Variants in TRAF3 observed in about 807,000 individuals in gnomAD.
TRAF3 encodes TNF receptor associated factor 3.
In TRAF3, 13 loss-of-function variants were observed where a neutral mutation model predicts 62.3. The observed-to-expected ratio is 0.21, with a 90% CI of 0.14 to 0.33. The LOEUF is 0.33. TRAF3 is among the 10% of genes least tolerant of loss of function. TRAF3 has a pLI of 1.00. For missense variants in TRAF3, 440 were observed against 741.8 expected, an observed-to-expected ratio of 0.59 and a Z score of 4.73; for synonymous variants, 269 against 283.4, an observed-to-expected ratio of 0.95 and a Z score of 0.51.
At position 102,903,560 on chromosome 14, in the gene TRAF3, C is replaced by T. The variant is rs1294586909; in HGVS notation, c.1135+131C>T. 2.3e-6 allele frequency: 3 copies of T among 1,294,234 alleles called. No individual in the cohort carries two copies. The highest frequency in any genetic ancestry group is 1.3e-5 in the South Asian group (1 of 79,508). The allele number at this position is 1,294,234 out of a possible 1,614,324, so 80.2% of individuals were successfully genotyped here. On this transcript the variant is annotated intron_variant, in intron 11 of 11. Transcript: ENST00000392745. The surrounding 1 kb of genome is among the most constrained non-coding windows in gnomAD (Gnocchi z 6.4). ...GACAGTTTTTTCTAATTATGGGTAA[C>T]ACGCAGAGGTGTGATGACTTTCCTA...
intron 1 of TRAF3, among the ~76,000 whole-genome samples, chr14:102,816,229 A>G (rs1000250112): frequency 6.6e-6 from 1 of 152,016 alleles, no homozygotes; most frequent in African/African-American, 2.4e-5. Context: ...CAGCCCCCCA[A>G]GTAGCTGGGA....
chr14:102,829,552 G>A (rs1176684189), intron 1 of TRAF3, among the ~76,000 whole-genome samples: 1 of 152,154 alleles, frequency 6.6e-6, no homozygotes, highest in East Asian at 1.9e-4. Context: ...TACCTCCTGA[G>A]GGCTGGCAAT....
chr14:102,832,820 G>T (rs1346728718), intron 2 of TRAF3, among the ~76,000 whole-genome samples: 1 of 150,644 alleles, frequency 6.6e-6, no homozygotes, highest in Non-Finnish European at 1.5e-5. Context: ...ATTAGAACGG[G>T]TTTTTTTTTC....
At chr14:102,814,116 T>G (rs1471998545) in intron 1 of TRAF3, among the ~76,000 whole-genome samples, 1 of 152,222 alleles carries the variant, frequency 6.6e-6, no homozygotes, top group Non-Finnish European at 1.5e-5. Context: ...GTTTCTATTT[T>G]CACTCTTCTG....
At chr14:102,900,042 G>A (rs896735753) in intron 10 of TRAF3, among the ~76,000 whole-genome samples, 10 of 151,452 alleles carry the variant, frequency 6.6e-5, no homozygotes, top group African/African-American at 1.7e-4. Flanking sequence ...AGCCAGGTGC[G>A]GTGGTGGGCG....
chr14:102,853,371 A>G (rs545043929), intron 2 of TRAF3, among the ~76,000 whole-genome samples: 1 of 152,056 alleles, frequency 6.6e-6, no homozygotes, highest in African/African-American at 2.4e-5. Flanking sequence ...GGTGGTGGTA[A>G]GGAGTGGCTA....
chr14:102,880,770 G>C (rs561867303), intron 6 of TRAF3, among the ~76,000 whole-genome samples: 1 of 152,348 alleles, frequency 6.6e-6, no homozygotes, highest in Non-Finnish European at 1.5e-5. Context: ...ATGGAATACT[G>C]TGTATCCATA....
chr14:102,886,387 G>T (rs1343628080), intron 7 of TRAF3, 118 bp downstream of exon 7: 3 of 883,556 alleles, frequency 3.4e-6, no homozygotes, highest in Non-Finnish European at 5.3e-6. Context: ...TCATGTGTAT[G>T]GCAGACAAAC....
chr14:102,889,931 T>A (rs1416331517), intron 8 of TRAF3, among the ~76,000 whole-genome samples: 1 of 152,130 alleles, frequency 6.6e-6, no homozygotes, highest in Non-Finnish European at 1.5e-5. Flanking sequence ...TTTGGTGGGG[T>A]TTTCAGATAG....
At chr14:102,852,872 TTATTTTATTTTTA>T (rs1379625488) in intron 2 of TRAF3, among the ~76,000 whole-genome samples, 5 of 151,786 alleles carry the variant, frequency 3.3e-5, no homozygotes, top group African/African-American at 7.3e-5. Context: ...AGGCTAATTT[TTATTTTATTTTTA>T]TATTTTATTT....
At chr14:102,794,044 C>G (rs1371555362) in intron 1 of TRAF3, among the ~76,000 whole-genome samples, 1 of 152,230 alleles carries the variant, frequency 6.6e-6, no homozygotes, top group Non-Finnish European at 1.5e-5. Flanking sequence ...GATCCTCCCT[C>G]TCCTTGTGCT....
intron 2 of TRAF3, among the ~76,000 whole-genome samples, chr14:102,846,151 G>A (rs762241714): frequency 7.2e-5 from 11 of 152,262 alleles, no homozygotes; most frequent in Non-Finnish European, 1.3e-4. Context: ...TGGCTTTAGA[G>A]TATAAGCTAG....
At position 102,777,581 on chromosome 14, in the gene TRAF3, C is replaced by G. The variant is rs1897063418; in HGVS notation, c.-251C>G. ...GCGGCCGCCGGCTCTTCCCCGCCCC[C>G]CGCCATGGGGCAGCCCGGGGAGCAG... On this transcript the variant is annotated 5_prime_UTR_variant, in exon 1 of 12. Coordinates refer to ENST00000392745, the MANE Select transcript of TRAF3 (RefSeq NM_145725.3). 6.9e-6 allele frequency: 1 copy of G among 145,076 alleles called. No homozygotes were observed. Among genetic ancestry groups the G allele is most frequent in the South Asian group, 2.1e-4 (1 of 4,786 alleles). The allele number at this position is 145,076 out of a possible 1,614,324, so 9.0% of individuals were successfully genotyped here.
intron 2 of TRAF3, among the ~76,000 whole-genome samples, chr14:102,846,350 A>G (rs1356437066): frequency 2.0e-5 from 3 of 152,208 alleles, no homozygotes; most frequent in Non-Finnish European, 4.4e-5. Flanking sequence ...AAAATAAACT[A>G]CAGACACAGC....
chr14:102,845,639 C>T (rs1204684799), intron 2 of TRAF3, among the ~76,000 whole-genome samples: 2 of 151,852 alleles, frequency 1.3e-5, no homozygotes, highest in Admixed American at 1.3e-4. Context: ...CCTCAGCCTC[C>T]CGAGTAGCTG....
At position 102,903,450 on chromosome 14, in the gene TRAF3, G is replaced by A. The variant is rs777382797; in HGVS notation, c.1135+21G>A. 24 of 1,612,852 alleles carry A rather than the reference G, an allele frequency of 1.5e-5. No individual in the cohort carries two copies. The highest frequency in any genetic ancestry group is 9.9e-5 in the South Asian group (9 of 91,054). ...CACAGGTGAGGCAGGGGCCGGGGCC[G>A]GGCCAGCAGTGTGCATCTGGGCCCC... On this transcript the variant is annotated intron_variant, in intron 11 of 11. Transcript: ENST00000392745. This position sits in a 1 kb window ranked among gnomAD's most constrained non-coding sequence, Gnocchi z 6.4.
intron 1 of TRAF3, among the ~76,000 whole-genome samples, chr14:102,786,704 G>T (rs553374080): frequency 6.6e-6 from 1 of 152,246 alleles, no homozygotes; most frequent in East Asian, 1.9e-4. Context: ...ACGAGCCTGT[G>T]CCAGGTGCAG....
At chr14:102,886,112 G>T (rs1889367594) in intron 6 of TRAF3, 77 bp from the exon 7 acceptor site, 2 of 1,473,720 alleles carry the variant, frequency 1.4e-6, no homozygotes, top group Non-Finnish European at 1.9e-6. Context: ...ATTCCTGGGG[G>T]CCCCATGGGG....
chr14:102,871,174 G>A (rs985037087), intron 3 of TRAF3, among the ~76,000 whole-genome samples: 1 of 152,188 alleles, frequency 6.6e-6, no homozygotes, highest in Non-Finnish European at 1.5e-5. Flanking sequence ...TCAAGCCTGG[G>A]CTGCACCCGA....
Sources: gnomAD v4.1 joint callset for allele counts (sites outside exome capture counted in the v4.1 genomes callset) on GRCh38, gnomAD v4.1.1 for gene constraint, Gnocchi (gnomAD v3.1) non-coding constraint, MANE v1.5 for transcripts, NCBI Gene and HGNC (gene_info 2026-07-23, HGNC 2026-07-21) for gene names.